ARHGAP32: variants seen among roughly 807,000 people sequenced by gnomAD.
The protein encoded by ARHGAP32 is rho GTPase-activating protein 32.
A neutral mutation model predicts 186.5 loss-of-function variants in ARHGAP32; 51 were observed. The ratio of observed to expected loss-of-function variants is 0.27; its 90% confidence interval spans 0.22 to 0.35. ARHGAP32 has a LOEUF of 0.35. Ranked by LOEUF, ARHGAP32 falls within the 10% of genes least tolerant of loss-of-function variation. ARHGAP32 has a pLI of 1.00. For synonymous variants in ARHGAP32, 950 were observed against 964.3 expected (o/e 0.99, Z 0.27); for missense variants, 2,186 against 2,623.5 (o/e 0.83, Z 3.64).
intron 2 of ARHGAP32, chr11:129,126,091 T>C (rs1254575968): frequency 1.1e-5 from 3 of 267,926 alleles, no homozygotes; most frequent in Non-Finnish European, 2.2e-5. Flanking sequence ...AATTATACCC[T>C]ATCATACTAG....
intron 5 of ARHGAP32, among the ~76,000 whole-genome samples, chr11:129,117,048 C>A (rs12802055): frequency 0.19 from 28,302 of 151,860 alleles, 2,817 homozygotes; most frequent in Non-Finnish European, 0.21. Context: ...GGTTACACTG[C>A]AGTATTATGT....
At chr11:129,011,276 C>G (rs1938065938) in intron 11 of ARHGAP32, among the ~76,000 whole-genome samples, 1 of 152,166 alleles carries the variant, frequency 6.6e-6, no homozygotes, top group African/African-American at 2.4e-5. Context: ...GCAGAGAATG[C>G]TAAGTTAATG....
rs759400812 is a variant in ARHGAP32, at chr11:129,040,998, G to A, written c.975C>T (p.Phe325=). Residue 325 remains phenylalanine (F), a synonymous_variant, in exon 11 of 23, where the codon TTC becomes TTT. Transcript: ENST00000682385. The stretch of plus-strand genomic sequence containing the variant: ...TAATTAACTCAACACAGTGTCCAGG[G>A]AAGAGTCCCACCTGATGAAAAGCAA... The part of the protein sequence containing the change: ...RGKHGFQVGL[F]PGHCVELINQ... 1 of 1,596,686 alleles carries A rather than the reference G, an allele frequency of 6.3e-7. No homozygotes were observed. Among genetic ancestry groups the A allele is most frequent in the Non-Finnish European group, 8.5e-7 (1 of 1,170,846 alleles).
At chr11:129,192,047 T>A (rs1403460099) in intron 1 of ARHGAP32, 36 bp downstream of exon 1, 1 of 1,482,004 alleles carries the variant, frequency 6.7e-7, no homozygotes, top group East Asian at 2.3e-5. Context: ...GGGTAGGGAG[T>A]GGACAGGACA....
chr11:129,270,636 A>C (rs957904965), intron 1 of ARHGAP32, among the ~76,000 whole-genome samples: 2 of 152,144 alleles, frequency 1.3e-5, no homozygotes, highest in South Asian at 4.2e-4. Context: ...GATGCTGATA[A>C]TGGGGGAAGC....
intron 6 of ARHGAP32, among the ~76,000 whole-genome samples, chr11:129,077,336 T>G (rs1411759711): frequency 6.6e-6 from 1 of 152,032 alleles, no homozygotes; most frequent in Non-Finnish European, 1.5e-5. Flanking sequence ...GAAGACAAGG[T>G]AGATGGGGAG....
At chr11:129,189,691 A>G (rs1944236634) in intron 1 of ARHGAP32, among the ~76,000 whole-genome samples, 1 of 152,218 alleles carries the variant, frequency 6.6e-6, no homozygotes, top group African/African-American at 2.4e-5. Context: ...AATTTAAACT[A>G]CCACCATGAA....
At chr11:129,073,462 A>G (rs1249374474) in intron 6 of ARHGAP32, among the ~76,000 whole-genome samples, 2 of 152,194 alleles carry the variant, frequency 1.3e-5, no homozygotes, top group African/African-American at 4.8e-5. Flanking sequence ...TGATGGATTC[A>G]TTAGTTGACT....
chr11:129,057,701 T>TAA lies in ARHGAP32; in HGVS notation c.963+4577_963+4578dup, dbSNP rs34991638. On this transcript the variant is annotated intron_variant, in intron 10 of 22. Coordinates refer to ENST00000682385, the MANE Select transcript of ARHGAP32 (RefSeq NM_001378024.1). ...ATACTGTATTTTCAATAGCGTTTGA[T>TAA]AAAAAAAAAAAAAAAAAAATCTGTG... Among the ~76,000 whole-genome samples, 124 of 130,220 alleles carry TAA rather than the reference T, an allele frequency of 9.5e-4. No individual in the cohort carries two copies. In the South Asian group the frequency reaches 0.014, roughly 14 times the overall value. 85.4% of individuals were successfully genotyped at this position (130,220 alleles called of 152,430 possible). A position where few individuals can be genotyped will look rare whatever the true frequency, so the allele number is the denominator to read the frequency against.
At chr11:129,171,607 T>A (rs1228233689) in intron 1 of ARHGAP32, among the ~76,000 whole-genome samples, 1 of 152,220 alleles carries the variant, frequency 6.6e-6, no homozygotes, top group Admixed American at 6.5e-5. Flanking sequence ...GGTAGCGTGA[T>A]GCCTCCAGCT....
intron 1 of ARHGAP32, among the ~76,000 whole-genome samples, chr11:129,183,367 ATTC>A (rs922867469): frequency 2.6e-5 from 4 of 152,124 alleles, no homozygotes; most frequent in East Asian, 1.9e-4. Flanking sequence ...TTTAAAAAGG[ATTC>A]TTATCATCAC....
At chr11:129,002,450 C>G (rs2134760237) in intron 11 of ARHGAP32, among the ~76,000 whole-genome samples, 1 of 152,180 alleles carries the variant, frequency 6.6e-6, no homozygotes, top group East Asian at 1.9e-4. Context: ...TTGTATTTGC[C>G]ACTTTACTGA....
intron 1 of ARHGAP32, among the ~76,000 whole-genome samples, chr11:129,206,514 T>C (rs1326899852): frequency 2.0e-5 from 3 of 152,146 alleles, no homozygotes; most frequent in African/African-American, 4.8e-5. Context: ...CACCCAGCCA[T>C]TGATTTTTTC....
chr11:129,061,664 G>A (rs1591579385), intron 10 of ARHGAP32, among the ~76,000 whole-genome samples: 2 of 152,144 alleles, frequency 1.3e-5, no homozygotes, highest in Non-Finnish European at 2.9e-5. Context: ...ATTCACGTCC[G>A]GGGTGGGACA....
At chr11:129,116,867 G>T (rs1942382075) in intron 5 of ARHGAP32, among the ~76,000 whole-genome samples, 1 of 151,808 alleles carries the variant, frequency 6.6e-6, no homozygotes, top group African/African-American at 2.4e-5. Flanking sequence ...TAGAACTTCT[G>T]CCTTTCTCTA....
rs570390029 is a variant in ARHGAP32, at chr11:129,256,267, G to A, written c.-5+22879C>T. On this transcript the variant is annotated intron_variant, in intron 1 of 6. Coordinates refer to the ARHGAP32 transcript ENST00000525234. ...AGTTGAATATGTATGTTCTATGCAC[G>A]TACTCAACATGTGTATGATACATGA... Among the ~76,000 whole-genome samples, 10 of 152,024 alleles carry A rather than the reference G, an allele frequency of 6.6e-5. No homozygotes were observed. In the South Asian group the frequency reaches 8.3e-4, roughly 13 times the overall value.
At chr11:129,087,798 G>A (rs1347664660) in intron 6 of ARHGAP32, among the ~76,000 whole-genome samples, 2 of 152,176 alleles carry the variant, frequency 1.3e-5, no homozygotes, top group Non-Finnish European at 2.9e-5. Flanking sequence ...ACTGTGGTGT[G>A]GGATGTCAAT....
chr11:129,148,007 A>C (rs903931554), intron 2 of ARHGAP32, among the ~76,000 whole-genome samples: 2 of 152,208 alleles, frequency 1.3e-5, no homozygotes, highest in Non-Finnish European at 1.5e-5. Flanking sequence ...AAGTGAAATA[A>C]AACTATTTCC....
At chr11:129,180,177 GACT>G (rs1359530916) in intron 1 of ARHGAP32, among the ~76,000 whole-genome samples, 1 of 151,952 alleles carries the variant, frequency 6.6e-6, no homozygotes, top group Non-Finnish European at 1.5e-5. Context: ...TCATACAATA[GACT>G]ACTACTCATA....
Sources: gnomAD v4.1 joint callset for allele counts (sites outside exome capture counted in the v4.1 genomes callset) on GRCh38, gnomAD v4.1.1 for gene constraint, MANE v1.5 for transcripts, NCBI Gene and HGNC (gene_info 2026-07-23, HGNC 2026-07-21) for gene names.